Variants in TXNRD3 observed in about 807,000 individuals in gnomAD.
The protein encoded by TXNRD3 is thioredoxin reductase 3.
TXNRD3 carries 68 observed loss-of-function variants against 78.2 expected under a neutral mutation model. That is an observed-to-expected ratio of 0.87 (90% CI 0.72 to 1.06). The LOEUF is 1.06. TXNRD3 is among the 50% of genes least tolerant of loss of function. The probability of loss-of-function intolerance (pLI) is 0.00; values close to 1 mark genes in which losing one functional copy is unlikely to be tolerated. For missense variants in TXNRD3, 751 were observed against 809.5 expected (o/e 0.93, Z 0.88); for synonymous variants, 296 against 300.1 (o/e 0.99, Z 0.14).
chr3:126,611,844 T>C (rs1938204498), intron 13 of TXNRD3, among the ~76,000 whole-genome samples: 2 of 152,152 alleles, frequency 1.3e-5, no homozygotes, highest in Admixed American at 1.3e-4. Flanking sequence ...TGGATTTAAA[T>C]TTAAAAATAC....
chr3:126,617,316 A>G (rs769830745), intron 12 of TXNRD3, among the ~76,000 whole-genome samples: 2 of 152,150 alleles, frequency 1.3e-5, no homozygotes, highest in Admixed American at 6.5e-5. Context: ...TCCTTACAGC[A>G]TCAGGCAACT....
Position 126,642,063 on chromosome 3 carries a change from T to G in TXNRD3, c.681A>C (p.Ser227=), listed in dbSNP as rs1377396182. 1.3e-6 allele frequency: 2 copies of G among 1,535,918 alleles called. No individual in the cohort carries two copies. The highest frequency in any genetic ancestry group is 1.4e-5 in the African/African-American group (1 of 73,052). The change falls in exon 6 of 16, where the codon TCA becomes TCC. Residue 227 remains serine (S), a synonymous_variant. Transcript: ENST00000524230. ...GATTATATTCCCAGCCAAATTTCCT[T>G]GAGTCACATAATGCCTGCCCCAAAA...
intron 1 of TXNRD3, 98 bp from the exon 2 acceptor site, chr3:126,647,394 G>C: frequency 2.3e-6 from 2 of 866,240 alleles, no homozygotes; most frequent in Non-Finnish European, 3.5e-6. Context: ...AAATGTTCTG[G>C]AGGAACAGGA....
intron 1 of TXNRD3, 49 bp from the exon 2 acceptor site, chr3:126,647,345 C>T: frequency 7.7e-7 from 1 of 1,300,058 alleles, no homozygotes; most frequent in Non-Finnish European, 1.1e-6. Context: ...GATTCAACAG[C>T]TATGAAATAT....
intron 12 of TXNRD3, among the ~76,000 whole-genome samples, chr3:126,619,882 G>A (rs770744452): frequency 5.3e-5 from 8 of 152,116 alleles, no homozygotes; most frequent in Non-Finnish European, 5.9e-5. Flanking sequence ...AAAAGTCACT[G>A]TCATAGAAAA....
At chr3:126,629,294 T>A in intron 10 of TXNRD3, 85 bp downstream of exon 10, 1 of 971,046 alleles carries the variant, frequency 1.0e-6, no homozygotes, top group Middle Eastern at 2.2e-4. Flanking sequence ...AAAATGTTAA[T>A]CCTGGTATAA....
intron 10 of TXNRD3, among the ~76,000 whole-genome samples, chr3:126,628,821 AT>A (rs1938641790): frequency 1.3e-5 from 2 of 152,162 alleles, no homozygotes; most frequent in Non-Finnish European, 1.5e-5. Flanking sequence ...GTTTTGTTAC[AT>A]GTTTTTTTGC....
At chr3:126,653,820 C>T (rs769504530) in intron 1 of TXNRD3, among the ~76,000 whole-genome samples, 2 of 152,082 alleles carry the variant, frequency 1.3e-5, no homozygotes, top group African/African-American at 4.8e-5. Context: ...AACTCCGGTA[C>T]GATTCATCCC....
Position 126,608,507 on chromosome 3 carries a change from A to C in TXNRD3, c.1855T>G (p.Cys619Gly). The C allele has an allele frequency of 6.5e-7, 1 of 1,534,022 alleles. No individual in the cohort carries two copies. The highest frequency in any genetic ancestry group is 8.7e-7 in the Non-Finnish European group (1 of 1,146,232). The change falls in exon 15 of 16, where the codon TGT becomes GGT. Residue 619 changes from cysteine to glycine, a missense_variant. Physicochemically the swap from Cys to Gly is radical, Grantham distance 159. Transcript: ENST00000524230. ...AACCTCCTGTTTCCTACCTCCCCAC[A>C]TGTGGGGTGAATTCCAATGGTGTCA...
intron 12 of TXNRD3, among the ~76,000 whole-genome samples, chr3:126,620,103 G>A (rs1938414620): frequency 1.3e-5 from 2 of 152,110 alleles, no homozygotes; most frequent in South Asian, 2.1e-4. Context: ...AGACCATCCT[G>A]GCTAACACAG....
chr3:126,619,070 C>G (rs1361085860), intron 12 of TXNRD3, among the ~76,000 whole-genome samples: 1 of 151,972 alleles, frequency 6.6e-6, no homozygotes, highest in African/African-American at 2.4e-5. Flanking sequence ...ATAACAAAGG[C>G]TGGTGAGGAT....
At chr3:126,613,261 A>AT (rs5852487) in intron 13 of TXNRD3, among the ~76,000 whole-genome samples, 120,398 of 151,984 alleles carry the variant, frequency 0.79, 48,566 homozygotes, top group Non-Finnish European at 0.88. Flanking sequence ...TGACTTTCCT[A>AT]TTTAGGCTTT....
chr3:126,619,609 A>T (rs1009330270), intron 12 of TXNRD3, among the ~76,000 whole-genome samples: 7 of 152,212 alleles, frequency 4.6e-5, no homozygotes, highest in African/African-American at 1.7e-4. Context: ...ACACAAAATT[A>T]CAGCTAAACA....
At chr3:126,630,013 T>C (rs1269681134) in intron 9 of TXNRD3, among the ~76,000 whole-genome samples, 1 of 152,226 alleles carries the variant, frequency 6.6e-6, no homozygotes. Flanking sequence ...GTAATGCAAG[T>C]GCACAGAAGT....
chr3:126,628,905 C>T (rs751865504), intron 10 of TXNRD3, among the ~76,000 whole-genome samples: 6 of 151,998 alleles, frequency 3.9e-5, no homozygotes, highest in Admixed American at 6.6e-5. Flanking sequence ...GTATATAAAA[C>T]ATAAATGTAT....
At chr3:126,633,067 T>C (rs1938760868) in intron 7 of TXNRD3, among the ~76,000 whole-genome samples, 1 of 152,248 alleles carries the variant, frequency 6.6e-6, no homozygotes, top group Non-Finnish European at 1.5e-5. Flanking sequence ...GACTTTATCC[T>C]ATTATATTTT....
At chr3:126,615,483 A>T in intron 12 of TXNRD3, 21 bp from the exon 13 acceptor site, 2 of 1,270,556 alleles carry the variant, frequency 1.6e-6, no homozygotes, top group Non-Finnish European at 1.1e-6. Flanking sequence ...AACAAATTAC[A>T]TTGTCTTATT....
intron 2 of TXNRD3, 124 bp downstream of exon 2, chr3:126,647,112 T>C (rs1042654886): frequency 9.1e-6 from 6 of 659,268 alleles, no homozygotes; most frequent in African/African-American, 1.9e-5. Context: ...TGGCTGAATG[T>C]AGACAAAAAT....
At chr3:126,616,811 T>C (rs1938330228) in intron 12 of TXNRD3, among the ~76,000 whole-genome samples, 3 of 152,160 alleles carry the variant, frequency 2.0e-5, no homozygotes, top group African/African-American at 7.2e-5. Flanking sequence ...ATGAGAGGAT[T>C]TGCATACAAC....
Sources: gnomAD v4.1 joint callset for allele counts (sites outside exome capture counted in the v4.1 genomes callset) on GRCh38, gnomAD v4.1.1 for gene constraint, MANE v1.5 for transcripts, NCBI Gene and HGNC (gene_info 2026-07-23, HGNC 2026-07-21) for gene names.